The following DLG2 variants were observed in gnomAD, a reference collection of about 807,000 sequenced individuals.
DLG2 encodes disks large homolog 2.
Under a neutral mutation model 132.5 loss-of-function variants are expected in DLG2, and 45 were observed. The ratio of observed to expected loss-of-function variants is 0.34; its 90% CI spans 0.27 to 0.44. DLG2 has a LOEUF of 0.44. Among genes scored for constraint, DLG2 ranks in the 20% least tolerant of loss-of-function variants. The pLI, the probability that DLG2 is intolerant of heterozygous loss-of-function variation, is 1.00. For synonymous variants in DLG2, 424 were observed against 419.6 expected, an observed-to-expected ratio of 1.01 and a Z score of -0.13; for missense variants, 1,045 against 1,196.9, an observed-to-expected ratio of 0.87 and a Z score of 1.87.
At chr11:83,623,707 T>A (rs547737655) in intron 19 of DLG2, among the ~76,000 whole-genome samples, 2 of 152,354 alleles carry the variant, frequency 1.3e-5, no homozygotes, top group South Asian at 4.1e-4. Context: ...GTATTTAAAG[T>A]TAATTTAAAG....
At chr11:84,294,116 T>C (rs1307287878) in intron 7 of DLG2, among the ~76,000 whole-genome samples, 4 of 152,222 alleles carry the variant, frequency 2.6e-5, no homozygotes, top group Admixed American at 6.5e-5. Flanking sequence ...TTCTAGAAGA[T>C]ACAGAGCAAG....
intron 14 of DLG2, among the ~76,000 whole-genome samples, chr11:83,961,569 G>A (rs532168148): frequency 1.3e-5 from 2 of 151,952 alleles, no homozygotes; most frequent in East Asian, 3.9e-4. Flanking sequence ...TGTGTTTTTC[G>A]GAGGATTAAA....
chr11:85,430,073 C>A (rs1293739230), intron 3 of DLG2, among the ~76,000 whole-genome samples: 1 of 152,024 alleles, frequency 6.6e-6, no homozygotes, highest in African/African-American at 2.4e-5. Context: ...ATGGATGAAG[C>A]TGGAAACCAT....
At chr11:84,673,933 T>G (rs1024826382) in intron 6 of DLG2, among the ~76,000 whole-genome samples, 1 of 152,144 alleles carries the variant, frequency 6.6e-6, no homozygotes, top group Non-Finnish European at 1.5e-5. Flanking sequence ...GTCTTCTGAA[T>G]AGGAGTAACA....
intron 3 of DLG2, among the ~76,000 whole-genome samples, chr11:85,569,610 TG>T (rs2077728844): frequency 6.6e-6 from 1 of 152,058 alleles, no homozygotes; most frequent in South Asian, 2.1e-4. Context: ...CTTTCAAACG[TG>T]AAAAAATGCT....
intron 7 of DLG2, among the ~76,000 whole-genome samples, chr11:84,402,096 T>TA (rs2098831651): frequency 1.3e-5 from 2 of 152,228 alleles, no homozygotes; most frequent in African/African-American, 4.8e-5. Flanking sequence ...TGCCTCTCTC[T>TA]AATCCAATGG....
intron 19 of DLG2, among the ~76,000 whole-genome samples, chr11:83,555,863 G>A (rs1565783995): frequency 6.6e-6 from 1 of 152,164 alleles, no homozygotes; most frequent in Non-Finnish European, 1.5e-5. Flanking sequence ...CTCTAAACCT[G>A]TTTCCAATCT....
chr11:84,467,187 T>C (rs1329002238), intron 7 of DLG2, among the ~76,000 whole-genome samples: 1 of 151,212 alleles, frequency 6.6e-6, no homozygotes, highest in Admixed American at 6.6e-5. Flanking sequence ...AGAAAGTCAA[T>C]TTGAAGGGAT....
chr11:83,893,161 C>T (rs1177738763), intron 15 of DLG2, among the ~76,000 whole-genome samples: 2 of 152,168 alleles, frequency 1.3e-5, no homozygotes, highest in South Asian at 2.1e-4. Context: ...GGAAACAATA[C>T]GCTCTCTTAG....
At chr11:85,250,227 C>T (rs2076331583) in intron 4 of DLG2, among the ~76,000 whole-genome samples, 1 of 152,100 alleles carries the variant, frequency 6.6e-6, no homozygotes, top group South Asian at 2.1e-4. Context: ...TTTAAAGTCC[C>T]TATCACTCTA....
intron 6 of DLG2, among the ~76,000 whole-genome samples, chr11:84,667,695 C>A: frequency 6.6e-6 from 1 of 151,794 alleles, no homozygotes; most frequent in East Asian, 1.9e-4. Flanking sequence ...GATGGGTTTT[C>A]ACCATGTTGG....
At chr11:84,522,333 T>G (rs1450352336) in intron 7 of DLG2, among the ~76,000 whole-genome samples, 3 of 152,196 alleles carry the variant, frequency 2.0e-5, no homozygotes, top group African/African-American at 7.2e-5. Flanking sequence ...TCAAGTTAAC[T>G]TTGTCTCATT....
rs146108606 is a variant in DLG2 at position 84,822,546 on chromosome 11, G to C, written c.358-287815C>G. Among the ~76,000 whole-genome samples the C allele has an allele frequency of 3.7e-4, 56 of 151,942 alleles. No individual in the cohort carries two copies. The East Asian group carries it at 9.8e-3, about 27-fold the overall frequency. ...AAACATTAGGAATCATCTTAATCTAGACTTCATTTCAGAAGCTGAGATCTG... is the reference window on the plus strand; with the variant it reads ...AAACATTAGGAATCATCTTAATCTACACTTCATTTCAGAAGCTGAGATCTG... On this transcript the variant is annotated intron_variant, in intron 6 of 27. Coordinates refer to ENST00000376104, the MANE Select transcript of DLG2 (RefSeq NM_001142699.3).
chr11:83,715,811 G>T (rs2086561139), intron 18 of DLG2, among the ~76,000 whole-genome samples: 1 of 152,068 alleles, frequency 6.6e-6, no homozygotes, highest in South Asian at 2.1e-4. Flanking sequence ...CCCTCTCCCT[G>T]TCCTACTTTT....
At chr11:84,191,832 G>C (rs971537240) in intron 8 of DLG2, among the ~76,000 whole-genome samples, 1 of 152,152 alleles carries the variant, frequency 6.6e-6, no homozygotes, top group South Asian at 2.1e-4. Context: ...ATTTAGTTAA[G>C]CTTAACATTC....
intron 6 of DLG2, among the ~76,000 whole-genome samples, chr11:84,809,320 A>G (rs1192730051): frequency 6.6e-6 from 1 of 151,978 alleles, no homozygotes; most frequent in East Asian, 1.9e-4. Flanking sequence ...ATCTGTACCT[A>G]ACATTAGATT....
chr11:83,966,454 C>T (rs2090217940), intron 12 of DLG2, among the ~76,000 whole-genome samples: 1 of 151,978 alleles, frequency 6.6e-6, no homozygotes, highest in South Asian at 2.1e-4. Flanking sequence ...ACAAATGATA[C>T]ACTGACTTCA....
intron 18 of DLG2, among the ~76,000 whole-genome samples, chr11:83,750,919 G>A (rs533919148): frequency 2.6e-5 from 4 of 152,076 alleles, no homozygotes; most frequent in Admixed American, 1.3e-4. Context: ...ACCACTCCCC[G>A]TGTATCAGAT....
At chr11:84,640,952 CAAA>C (rs34851864) in intron 6 of DLG2, among the ~76,000 whole-genome samples, 1 of 85,442 alleles carries the variant, frequency 1.2e-5, no homozygotes. Context: ...AACAAACAAA[CAAA>C]AAAAAAAAAC....
Sources: allele counts gnomAD v4.1 joint callset (sites outside exome capture counted in the v4.1 genomes callset), GRCh38; gene constraint gnomAD v4.1.1; transcripts MANE v1.5; gene names NCBI Gene and HGNC (gene_info 2026-07-23, HGNC 2026-07-21).